The following DOCK4 variants were observed in gnomAD, a reference collection of about 807,000 sequenced individuals.
DOCK4 encodes the protein dedicator of cytokinesis 4.
Under a neutral mutation model 268.1 loss-of-function variants are expected in DOCK4, and 97 were observed. The ratio of observed to expected loss-of-function variants is 0.36; its 90% CI spans 0.31 to 0.43. DOCK4 has a LOEUF of 0.43. Among genes scored for constraint, DOCK4 ranks in the 20% least tolerant of loss-of-function variants. The pLI is 1.00. For missense variants in DOCK4, 2,145 were observed against 2,455.7 expected, an observed-to-expected ratio of 0.87 and a Z score of 2.67; for synonymous variants, 954 against 887.2, an observed-to-expected ratio of 1.08 and a Z score of -1.34.
At chr7:111,775,361 C>T (rs1798377417) in intron 36 of DOCK4, among the ~76,000 whole-genome samples, 1 of 152,120 alleles carries the variant, frequency 6.6e-6, no homozygotes, top group Non-Finnish European at 1.5e-5. Context: ...ATTTGAGGTT[C>T]CCAAATCTAA....
intron 1 of DOCK4, among the ~76,000 whole-genome samples, chr7:112,189,292 A>C (rs936705630): frequency 1.3e-5 from 2 of 152,140 alleles, no homozygotes; most frequent in Non-Finnish European, 2.9e-5. Flanking sequence ...TCTGGAAAAA[A>C]AAAAAACTGT....
chr7:112,151,761 T>TG (rs1816102788), intron 1 of DOCK4, among the ~76,000 whole-genome samples: 1 of 119,286 alleles, frequency 8.4e-6, no homozygotes, highest in Non-Finnish European at 1.9e-5. Context: ...AGTAGAGATG[T>TG]GGAAAAAAAA....
chr7:111,729,154 T>A (rs377308864), intron 52 of DOCK4, among the ~76,000 whole-genome samples: 33 of 152,308 alleles, frequency 2.2e-4, no homozygotes, highest in Admixed American at 5.9e-4. Flanking sequence ...CACACTCAAA[T>A]TTGAGTGTTG....
At chr7:112,117,090 T>G (rs1341296150) in intron 1 of DOCK4, among the ~76,000 whole-genome samples, 1 of 152,184 alleles carries the variant, frequency 6.6e-6, no homozygotes, top group East Asian at 1.9e-4. Flanking sequence ...TGCACACACT[T>G]TAAAACATCC....
chr7:112,046,773 A>G (rs1249250162), intron 1 of DOCK4, among the ~76,000 whole-genome samples: 6 of 152,216 alleles, frequency 3.9e-5, no homozygotes, highest in East Asian at 1.9e-4. Flanking sequence ...TGTGAGCCCT[A>G]TGATTGCCCC....
intron 26 of DOCK4, among the ~76,000 whole-genome samples, chr7:111,828,465 T>C (rs552130509): frequency 2.0e-5 from 3 of 152,332 alleles, no homozygotes; most frequent in Non-Finnish European, 1.5e-5. Context: ...TTTTGATTTA[T>C]AGAACCACTG....
intron 17 of DOCK4, 116 bp downstream of exon 17, chr7:111,876,914 G>A (rs758669705): frequency 1.1e-5 from 11 of 992,698 alleles, no homozygotes; most frequent in Non-Finnish European, 1.4e-5. Flanking sequence ...ACAAATGGAA[G>A]GATCAATAAT....
chr7:112,029,409 G>A (rs1317322965), intron 1 of DOCK4, among the ~76,000 whole-genome samples: 1 of 152,144 alleles, frequency 6.6e-6, no homozygotes, highest in Non-Finnish European at 1.5e-5. Flanking sequence ...TGAAACTGTT[G>A]TATAAAAATG....
At chr7:111,877,565 T>C (rs1807009113) in intron 16 of DOCK4, among the ~76,000 whole-genome samples, 1 of 152,240 alleles carries the variant, frequency 6.6e-6, no homozygotes, top group East Asian at 1.9e-4. Flanking sequence ...ATATTTGCAG[T>C]GACCATAGTA....
chr7:111,760,111 T>G, intron 40 of DOCK4, 70 bp downstream of exon 40: 1 of 1,578,404 alleles, frequency 6.3e-7, no homozygotes, highest in East Asian at 2.3e-5. Context: ...TGAACAACCT[T>G]GCATGGAAAT....
At chr7:111,896,213 G>A (rs73715292) in intron 15 of DOCK4, among the ~76,000 whole-genome samples, 3 of 152,134 alleles carry the variant, frequency 2.0e-5, no homozygotes, top group Admixed American at 6.6e-5. Flanking sequence ...ATCCACACAC[G>A]TAAGGAAAGT....
intron 52 of DOCK4, among the ~76,000 whole-genome samples, chr7:111,730,832 G>A (rs76262457): frequency 0.013 from 1,960 of 152,226 alleles, 21 homozygotes; most frequent in African/African-American, 0.023. Context: ...AATGTACACA[G>A]GTCTGCTGAG....
At chr7:111,821,888 A>G (rs1422014785) in intron 27 of DOCK4, 2 of 152,448 alleles carry the variant, frequency 1.3e-5, no homozygotes, top group African/African-American at 4.8e-5. Context: ...CTAGTAACAG[A>G]GAATTGGTTA....
chr7:112,086,770 C>A (rs1694623081), intron 1 of DOCK4, among the ~76,000 whole-genome samples: 1 of 152,144 alleles, frequency 6.6e-6, no homozygotes. Flanking sequence ...CCTGCCCAAG[C>A]ACACTAAATG....
chr7:111,802,391 C>A (rs1800368602), intron 30 of DOCK4, among the ~76,000 whole-genome samples: 1 of 152,144 alleles, frequency 6.6e-6, no homozygotes, highest in Admixed American at 6.5e-5. Context: ...AGGCTGTGCC[C>A]CAGCAGAGCC....
At chr7:111,733,012 C>A (rs757093814) in intron 51 of DOCK4, among the ~76,000 whole-genome samples, 1 of 152,214 alleles carries the variant, frequency 6.6e-6, no homozygotes, top group Non-Finnish European at 1.5e-5. Flanking sequence ...GCTTGTATAG[C>A]AAATCCAGCT....
chr7:112,103,289 G>T (rs1810851880), intron 1 of DOCK4, among the ~76,000 whole-genome samples: 1 of 152,000 alleles, frequency 6.6e-6, no homozygotes, highest in Non-Finnish European at 1.5e-5. Context: ...AGCAAGAAAA[G>T]GGTATAATTT....
At chr7:111,812,082 ATTTG>A in intron 27 of DOCK4, 133 bp from the exon 28 acceptor site, 1 of 495,148 alleles carries the variant, frequency 2.0e-6, no homozygotes, top group African/African-American at 2.0e-5. Flanking sequence ...AATAATTCAT[ATTTG>A]AAACAAAAAA....
chr7:112,126,969 A>C (rs1452344833), intron 1 of DOCK4, among the ~76,000 whole-genome samples: 4 of 152,124 alleles, frequency 2.6e-5, no homozygotes, highest in African/African-American at 4.8e-5. Flanking sequence ...GTGGGACTGT[A>C]AACTAGTTCA....
Sources: allele counts gnomAD v4.1 joint callset (sites outside exome capture counted in the v4.1 genomes callset), GRCh38; gene constraint gnomAD v4.1.1; transcripts MANE v1.5; gene names NCBI Gene and HGNC (gene_info 2026-07-23, HGNC 2026-07-21).